Variants in MAST4 observed in about 807,000 individuals in gnomAD.
MAST4 encodes microtubule-associated serine/threonine-protein kinase 4.
In MAST4, 89 loss-of-function variants were observed where a neutral mutation model predicts 162.7. That is an observed-to-expected ratio of 0.55 (90% CI 0.46 to 0.65). The LOEUF is 0.65. Among genes scored for constraint, MAST4 ranks in the 30% least tolerant of loss-of-function variants. The pLI, the probability that MAST4 is intolerant of heterozygous loss-of-function variation, is 0.00. For synonymous variants in MAST4, 1,479 were observed against 1,361.1 expected, an observed-to-expected ratio of 1.09 and a Z score of -1.91; for missense variants, 3,153 against 3,374.0, an observed-to-expected ratio of 0.93 and a Z score of 1.62.
chr5:66,988,430 A>T (rs1749740521), intron 4 of MAST4, among the ~76,000 whole-genome samples: 1 of 152,210 alleles, frequency 6.6e-6, no homozygotes, highest in African/African-American at 2.4e-5. Flanking sequence ...GAAGTGAGTG[A>T]TTCTTCCAGA....
At chr5:67,150,895 C>G (rs1043275885) in intron 24 of MAST4, among the ~76,000 whole-genome samples, 3 of 152,128 alleles carry the variant, frequency 2.0e-5, no homozygotes, top group African/African-American at 7.2e-5. Context: ...GGTCATGATA[C>G]AGTTGGCTTT....
chr5:67,068,093 C>G (rs2150640940), intron 5 of MAST4, among the ~76,000 whole-genome samples: 1 of 152,258 alleles, frequency 6.6e-6, no homozygotes, highest in East Asian at 1.9e-4. Context: ...GGAATCTATC[C>G]CTGAAGATGC....
intron 3 of MAST4, among the ~76,000 whole-genome samples, chr5:66,851,323 G>A (rs889468460): frequency 6.6e-6 from 1 of 152,188 alleles, no homozygotes; most frequent in Admixed American, 6.5e-5. Flanking sequence ...AAGAGAAAAA[G>A]AGTTGGGTAG....
In MAST4 at chr5:66,715,688, T is replaced by TA. The variant is rs575320232; in HGVS notation, c.364-44011dup. ...AGTATAATAATAATAAAATAAAAAT[T>TA]AAAAAAAAAATTTAACCTGAAAGAC... On this transcript the variant is annotated intron_variant, in intron 1 of 28. Transcript: ENST00000403625. Among the ~76,000 whole-genome samples the TA allele has an allele frequency of 6.7e-5, 6 of 90,056 alleles. No individual in the cohort carries two copies. In the East Asian group the frequency reaches 9.8e-4, roughly 15 times the overall value. The allele number at this position is 90,056 out of a possible 152,430, so 59.1% of individuals were successfully genotyped here.
chr5:66,876,834 G>A (rs1200631113), intron 3 of MAST4, among the ~76,000 whole-genome samples: 3 of 152,122 alleles, frequency 2.0e-5, no homozygotes, highest in Non-Finnish European at 4.4e-5. Context: ...GGTAAATGGG[G>A]GAATGTCATA....
Position 66,925,943 on chromosome 5 carries a change from AT to A in MAST4, c.674+25973del, listed in dbSNP as rs71610545. ...TTTCATGAGCTTTCAGCCTAGTACA[AT>A]TTTTTTTTTTTGCATTTAAGTCTTT... On this transcript the variant is annotated intron_variant, in intron 4 of 28. Coordinates refer to ENST00000403625, the MANE Select transcript of MAST4 (RefSeq NM_001164664.2). 2.1e-3 allele frequency among the ~76,000 whole-genome samples: 304 copies of A among 145,626 alleles called. 2 individuals are homozygous for A. The highest frequency in any genetic ancestry group is 2.9e-3 in the African/African-American group (116 of 39,936).
chr5:67,165,228 T>A lies in MAST4; in HGVS notation c.6049T>A (p.Ser2017Thr). The A allele has an allele frequency of 6.2e-7, 1 of 1,612,228 alleles. No individual in the cohort carries two copies. Among genetic ancestry groups the A allele is most frequent in the Non-Finnish European group, 8.5e-7 (1 of 1,179,258 alleles). Reference sequence around the variant, plus strand: ...CAGTGACAACTCCAAAAATCTCCTCTCTGTGGGAAGGACCCACCCAGATTT... The same window carrying A: ...CAGTGACAACTCCAAAAATCTCCTCACTGTGGGAAGGACCCACCCAGATTT... ...KTSDNSKNLL[S>T]VGRTHPDFYT... The change falls in exon 29 of 29, where the codon TCT (serine) becomes ACT (threonine). Residue 2017 changes from serine to threonine, a missense_variant. Physicochemically the swap from Ser to Thr is moderately conservative, Grantham distance 58. Around this residue, in one of 7 missense-constraint regions of MAST4, gnomAD observed 1,644 missense variants for 1,495.0 expected, o/e 1.10. Transcript: ENST00000403625.
intron 3 of MAST4, among the ~76,000 whole-genome samples, chr5:66,858,404 C>A (rs1759842977): frequency 6.6e-6 from 1 of 152,060 alleles, no homozygotes; most frequent in Non-Finnish European, 1.5e-5. Context: ...TTTTTCCAGG[C>A]AGAGAGTGAA....
intron 3 of MAST4, among the ~76,000 whole-genome samples, chr5:66,840,564 G>A (rs1319986509): frequency 2.0e-5 from 3 of 151,946 alleles, no homozygotes; most frequent in Non-Finnish European, 4.4e-5. Flanking sequence ...TCCTTGCTTG[G>A]CCTCATGATA....
chr5:66,977,530 A>G (rs1748304559), intron 4 of MAST4, among the ~76,000 whole-genome samples: 1 of 152,216 alleles, frequency 6.6e-6, no homozygotes, highest in African/African-American at 2.4e-5. Context: ...TTTGGGGGGA[A>G]AAGAAAACAA....
chr5:67,057,614 G>GAAAAGAAAAGAAAAGAAAAGAAAAA (rs1336997107), intron 5 of MAST4, among the ~76,000 whole-genome samples: 1 of 147,874 alleles, frequency 6.8e-6, no homozygotes. Context: ...AAGAAGGAAA[G>GAAAAGAAAAGAAAAGAAAAGAAAAA]AAAAGAAAAG....
intron 1 of MAST4, among the ~76,000 whole-genome samples, chr5:66,652,600 C>T (rs1746300148): frequency 6.6e-6 from 1 of 152,054 alleles, no homozygotes. Context: ...TCCATGTTGC[C>T]TAAGAAATAG....
chr5:66,823,457 C>T lies in MAST4; in HGVS notation c.642+34663C>T, dbSNP rs116608160. On this transcript the variant is annotated intron_variant, in intron 3 of 28. Transcript: ENST00000403625. ...AAAGTACTTACAGCAATGACCGGCA[C>T]GTAATGTGATCAACAAATGTTGGCC... 1.6e-3 allele frequency among the ~76,000 whole-genome samples: 245 copies of T among 152,244 alleles called. 1 individual carries two copies. The highest frequency in any genetic ancestry group is 5.6e-3 in the African/African-American group (232 of 41,544).
intron 4 of MAST4, among the ~76,000 whole-genome samples, chr5:67,023,217 A>T (rs139420150): frequency 1.2e-4 from 19 of 152,322 alleles, no homozygotes; most frequent in African/African-American, 4.6e-4. Flanking sequence ...GTTATTGTCC[A>T]GCTTAGCTTC....
At chr5:67,004,393 C>T (rs772380410) in intron 4 of MAST4, among the ~76,000 whole-genome samples, 6 of 152,346 alleles carry the variant, frequency 3.9e-5, no homozygotes, top group Non-Finnish European at 7.3e-5. Context: ...CTCCAATAGG[C>T]CCATTTTTTA....
intron 4 of MAST4, among the ~76,000 whole-genome samples, chr5:66,961,690 CTCA>C (rs2150160547): frequency 6.6e-6 from 1 of 152,184 alleles, no homozygotes; most frequent in Admixed American, 6.5e-5. Flanking sequence ...CTTCGTAGCA[CTCA>C]TCATGTGTGT....
intron 1 of MAST4, among the ~76,000 whole-genome samples, chr5:66,631,339 A>T (rs1418324469): frequency 6.6e-6 from 1 of 152,222 alleles, no homozygotes; most frequent in African/African-American, 2.4e-5. Context: ...GTTGCTATAC[A>T]TAAAGCAGGG....
chr5:66,896,986 G>C (rs767695384), intron 3 of MAST4, among the ~76,000 whole-genome samples: 1 of 152,004 alleles, frequency 6.6e-6, no homozygotes, highest in Non-Finnish European at 1.5e-5. Flanking sequence ...TAAAAGTCTG[G>C]GGGGAGGATA....
intron 1 of MAST4, among the ~76,000 whole-genome samples, chr5:66,613,941 G>C (rs1316431866): frequency 6.6e-6 from 1 of 152,004 alleles, no homozygotes; most frequent in Non-Finnish European, 1.5e-5. Context: ...TACTGGTATG[G>C]GCCATCTGTG....
Sources: allele counts gnomAD v4.1 joint callset (sites outside exome capture counted in the v4.1 genomes callset), GRCh38; gene constraint gnomAD v4.1.1; regional missense constraint gnomAD v4.1.1; transcripts MANE v1.5; gene names NCBI Gene and HGNC (gene_info 2026-07-23, HGNC 2026-07-21).